MTSS1: variants seen among roughly 807,000 people sequenced by gnomAD.
MTSS1 encodes the protein MTSS I-BAR domain containing 1, also known as protein MTSS 1.
Under a neutral mutation model 79.0 loss-of-function variants are expected in MTSS1, and 18 were observed. That is an observed-to-expected ratio of 0.23 (90% CI 0.16 to 0.34). The LOEUF is 0.34. Ranked by LOEUF, MTSS1 falls within the 10% of genes least tolerant of loss-of-function variation. The pLI is 1.00. For missense variants in MTSS1, 815 were observed against 986.2 expected, an observed-to-expected ratio of 0.83 and a Z score of 2.33; for synonymous variants, 341 against 368.6, an observed-to-expected ratio of 0.93 and a Z score of 0.86.
At chr8:124,709,465 A>C (rs986372264) in intron 1 of MTSS1, among the ~76,000 whole-genome samples, 1 of 152,316 alleles carries the variant, frequency 6.6e-6, no homozygotes, top group East Asian at 1.9e-4. Context: ...CAAATCAAAG[A>C]AAACAAAACT....
chr8:124,699,703 C>T lies in MTSS1; in HGVS notation c.135-104G>A. 2.9e-6 allele frequency: 3 copies of T among 1,032,732 alleles called. No individual in the cohort carries two copies. In the South Asian group the frequency reaches 4.2e-5, roughly 15 times the overall value. The allele number at this position is 1,032,732 out of a possible 1,614,324, so 64.0% of individuals were successfully genotyped here. On this transcript the variant is annotated intron_variant, in intron 2 of 13. Transcript: ENST00000518547. ...CTGCTAAGGAGTACATGTAACCTTCCTCCAGAAATAACTCAACTGAGCATG... is the reference window on the plus strand; with the variant it reads ...CTGCTAAGGAGTACATGTAACCTTCTTCCAGAAATAACTCAACTGAGCATG...
chr8:124,674,418 T>G (rs1215377506), intron 3 of MTSS1, among the ~76,000 whole-genome samples: 2 of 152,186 alleles, frequency 1.3e-5, no homozygotes, highest in Non-Finnish European at 2.9e-5. Context: ...CTGTCAGCCT[T>G]GATGTACTTG....
At chr8:124,692,454 G>C (rs1385010677) in intron 3 of MTSS1, among the ~76,000 whole-genome samples, 1 of 152,086 alleles carries the variant, frequency 6.6e-6, no homozygotes, top group African/African-American at 2.4e-5. Flanking sequence ...AACACCAAAG[G>C]CAATCCAGAA....
At chr8:124,632,270 A>T (rs1374621067) in intron 3 of MTSS1, among the ~76,000 whole-genome samples, 2 of 129,586 alleles carry the variant, frequency 1.5e-5, no homozygotes, top group Non-Finnish European at 3.1e-5. Flanking sequence ...GCAGAGTGAG[A>T]CTCTGTCTCA....
At chr8:124,634,452 T>G (rs1250097490) in intron 3 of MTSS1, among the ~76,000 whole-genome samples, 14 of 152,122 alleles carry the variant, frequency 9.2e-5, no homozygotes, top group Non-Finnish European at 1.5e-5. Context: ...CAACAAGTCT[T>G]TATTTAAATG....
chr8:124,616,247 G>C (rs1836828174), intron 3 of MTSS1, among the ~76,000 whole-genome samples: 1 of 152,120 alleles, frequency 6.6e-6, no homozygotes, highest in Non-Finnish European at 1.5e-5. Context: ...GCAAAGGAGA[G>C]CCTATGTTTA....
At chr8:124,559,014 C>A (rs566755709) in intron 10 of MTSS1, among the ~76,000 whole-genome samples, 4 of 152,272 alleles carry the variant, frequency 2.6e-5, no homozygotes, top group Admixed American at 2.6e-4. Context: ...GGTTACTTTT[C>A]CCCCAAAGTT....
intron 3 of MTSS1, among the ~76,000 whole-genome samples, chr8:124,684,631 C>G (rs2382991): frequency 0.61 from 92,757 of 151,980 alleles, 28,660 homozygotes; most frequent in African/African-American, 0.69. Context: ...ATAACACTTT[C>G]TTTGTGAGTG....
At chr8:124,721,974 T>C (rs146725237) in intron 1 of MTSS1, among the ~76,000 whole-genome samples, 59 of 152,264 alleles carry the variant, frequency 3.9e-4, no homozygotes, top group Middle Eastern at 3.4e-3. Context: ...TGTCGCATAG[T>C]AGGCAGCAGA....
chr8:124,580,792 C>G, intron 6 of MTSS1: 1 of 472,662 alleles, frequency 2.1e-6, no homozygotes. Context: ...ACAAAACCTT[C>G]CCAGTTAGTA....
rs191324336 is a variant in MTSS1 at position 124,628,304 on chromosome 8, C to T, written c.209-37069G>A. Among the ~76,000 whole-genome samples, 34 of 152,256 alleles carry T rather than the reference C, an allele frequency of 2.2e-4. No homozygotes were observed. In the South Asian group the frequency reaches 6.2e-3, roughly 28 times the overall value. On this transcript the variant is annotated intron_variant, in intron 3 of 13. Coordinates refer to ENST00000518547, the MANE Select transcript of MTSS1 (RefSeq NM_014751.6). ...CGAGTCTGAGCTCCAAGACATCAGC[C>T]GCGTCAGTCTTATCATCCGACTCCC...
chr8:124,683,200 C>A lies in MTSS1; in HGVS notation c.208+16326G>T, dbSNP rs546686446. 6.6e-6 allele frequency among the ~76,000 whole-genome samples: 1 copy of A among 151,210 alleles called. No individual in the cohort carries two copies. Among genetic ancestry groups the A allele is most frequent in the African/African-American group, 2.4e-5 (1 of 41,244 alleles). On this transcript the variant is annotated intron_variant, in intron 3 of 13. Coordinates refer to ENST00000518547, the MANE Select transcript of MTSS1 (RefSeq NM_014751.6). This position sits in a 1 kb window ranked among gnomAD's most constrained non-coding sequence, Gnocchi z 4.5. ...AGTTTCTTATACACAAATGTTTTAA[C>A]GTTTAATGTGTAATGTTTAACATGT...
intron 3 of MTSS1, among the ~76,000 whole-genome samples, chr8:124,657,122 G>A (rs143056568): frequency 6.6e-6 from 1 of 152,202 alleles, no homozygotes; most frequent in Non-Finnish European, 1.5e-5. Flanking sequence ...AGTGGTAATG[G>A]TATTGTGGTT....
At position 124,728,017 on chromosome 8, in the gene MTSS1, G is replaced by A; in HGVS notation, c.-62C>T. On this transcript the variant is annotated 5_prime_UTR_variant, in exon 1 of 14. Coordinates refer to ENST00000518547, the MANE Select transcript of MTSS1 (RefSeq NM_014751.6). The surrounding 1 kb of genome is among the most constrained non-coding windows in gnomAD (Gnocchi z 6.1). ...GGCCGCTGGACTGCGCGCGGGGCCG[G>A]GGCTCGCTCACCCCAGAAGGAATTT... 1.3e-6 allele frequency: 2 copies of A among 1,482,330 alleles called. No homozygotes were observed. Among genetic ancestry groups the A allele is most frequent in the South Asian group, 1.2e-5 (1 of 85,872 alleles). 91.8% of individuals were successfully genotyped at this position (1,482,330 alleles called of 1,614,324 possible).
chr8:124,601,424 G>A (rs1403588637), intron 3 of MTSS1, among the ~76,000 whole-genome samples: 1 of 152,110 alleles, frequency 6.6e-6, no homozygotes, highest in East Asian at 1.9e-4. Context: ...CTTCCTTCCA[G>A]CCAAGAATGA....
rs569104533 is a variant in MTSS1 at position 124,685,889 on chromosome 8, A to G, written c.208+13637T>C. 2.3e-3 allele frequency among the ~76,000 whole-genome samples: 350 copies of G among 152,280 alleles called. 4 individuals are homozygous for G. Among genetic ancestry groups the G allele is most frequent in the Admixed American group, 0.011 (164 of 15,286 alleles). On this transcript the variant is annotated intron_variant, in intron 3 of 13. Transcript: ENST00000518547. ...GTTGGAGACAGACAAGTGGGAGGGG[A>G]CAGGCCACGCGGGGTGAAGGCGGAA...
chr8:124,645,811 C>G (rs1050692715), intron 3 of MTSS1, among the ~76,000 whole-genome samples: 1 of 152,066 alleles, frequency 6.6e-6, no homozygotes, highest in Non-Finnish European at 1.5e-5. Flanking sequence ...GCCCATGTTC[C>G]CAAAGAGACA....
intron 3 of MTSS1, among the ~76,000 whole-genome samples, chr8:124,660,366 G>C (rs953659406): frequency 6.6e-6 from 1 of 151,484 alleles, no homozygotes; most frequent in South Asian, 2.1e-4. Context: ...TGGGGGCAAG[G>C]AACGAATGGC....
At chr8:124,564,687 T>TACACACACACACACA (rs1554639346) in intron 9 of MTSS1, 9 of 47,352 alleles carry the variant, frequency 1.9e-4, no homozygotes, top group African/African-American at 2.4e-4. Flanking sequence ...GGTCTCTCTT[T>TACACACACACACACA]CACTCACACA....
Sources: gnomAD v4.1 joint callset for allele counts (sites outside exome capture counted in the v4.1 genomes callset) on GRCh38, gnomAD v4.1.1 for gene constraint, Gnocchi (gnomAD v3.1) non-coding constraint, MANE v1.5 for transcripts, NCBI Gene and HGNC (gene_info 2026-07-23, HGNC 2026-07-21) for gene names.